Variants in ELFN2 observed in about 807,000 individuals in gnomAD.
ELFN2 encodes protein phosphatase 1 regulatory subunit 29.
In ELFN2, 17 loss-of-function variants were observed where a neutral mutation model predicts 45.5. The observed-to-expected ratio is 0.37, with a 90% CI of 0.26 to 0.56. The LOEUF is 0.56. Ranked by LOEUF, ELFN2 falls within the 20% of genes least tolerant of loss-of-function variation. The pLI is 0.77. For missense variants in ELFN2, 922 were observed against 1,183.2 expected, an observed-to-expected ratio of 0.78 and a Z score of 3.24; for synonymous variants, 550 against 551.5, an observed-to-expected ratio of 1.00 and a Z score of 0.04.
chr22:37,410,469 C>T (rs1199126863), intron 2 of ELFN2, among the ~76,000 whole-genome samples: 1 of 152,126 alleles, frequency 6.6e-6, no homozygotes, highest in African/African-American at 2.4e-5. Context: ...CCCTCCAGCA[C>T]TCCGGGGTCC....
At chr22:37,390,749 C>G (rs1427974430) in intron 2 of ELFN2, among the ~76,000 whole-genome samples, 1 of 152,192 alleles carries the variant, frequency 6.6e-6, no homozygotes, top group Non-Finnish European at 1.5e-5. Flanking sequence ...CCTCCCGCCA[C>G]CCCTCTCCCT....
chr22:37,373,776 C>T lies in ELFN2; in HGVS notation c.1759G>A (p.Ala587Thr), dbSNP rs202143334. ...ECQSLPAAAAASSATGPGALE... is the reference protein window; with the variant it reads ...ECQSLPAAAATSSATGPGALE... ...GCCCCGGGGCCAGTGGCTGAGGAGG[C>T]GGCAGCAGCTGCAGGGAGGGACTGG... Residue 587 changes from alanine to threonine, a missense_variant, in exon 3 of 3, where the codon GCC (alanine) becomes ACC (threonine). Ala to Thr is a moderately conservative substitution (Grantham distance 58, BLOSUM62 0). Around this residue, in one of 2 missense-constraint regions of ELFN2, gnomAD observed 564 missense variants for 642.8 expected, o/e 0.88. Coordinates refer to ENST00000402918, the MANE Select transcript of ELFN2 (RefSeq NM_052906.5). The T allele has an allele frequency of 4.4e-6, 7 of 1,589,486 alleles. No individual in the cohort carries two copies. Among genetic ancestry groups the T allele is most frequent in the African/African-American group, 1.4e-5 (1 of 73,566 alleles).
intron 2 of ELFN2, among the ~76,000 whole-genome samples, chr22:37,408,094 G>C (rs1932552363): frequency 6.6e-6 from 1 of 152,206 alleles, no homozygotes. Flanking sequence ...TCCAGGCCGG[G>C]TGTGTGCATG....
intron 2 of ELFN2, among the ~76,000 whole-genome samples, chr22:37,403,404 G>GGCTA (rs1569140696): frequency 5.7e-5 from 6 of 105,718 alleles, no homozygotes; most frequent in African/African-American, 2.6e-4. Context: ...GGCCATGCAA[G>GGCTA]GCGAGCGAGG....
chr22:37,424,630 G>A (rs9610752), intron 1 of ELFN2, among the ~76,000 whole-genome samples: 2,493 of 152,034 alleles, frequency 0.016, 23 homozygotes, highest in Non-Finnish European at 0.024. Flanking sequence ...GGTACCCCTC[G>A]AGAAGGGGCT....
chr22:37,359,576 T>TC (rs1931031545), intron 1 of ELFN2, among the ~76,000 whole-genome samples: 1 of 152,216 alleles, frequency 6.6e-6, no homozygotes, highest in African/African-American at 2.4e-5. Flanking sequence ...GTATGAACGC[T>TC]CCTCAGCTCT....
intron 1 of ELFN2, among the ~76,000 whole-genome samples, chr22:37,355,842 C>G (rs1930935872): frequency 6.6e-6 from 1 of 152,264 alleles, no homozygotes; most frequent in Admixed American, 6.5e-5. Context: ...GCTCCCAGAA[C>G]CATACGTCTT....
chr22:37,346,686 A>G (rs1930703733), intron 1 of ELFN2, among the ~76,000 whole-genome samples: 1 of 152,170 alleles, frequency 6.6e-6, no homozygotes, highest in South Asian at 2.1e-4. Context: ...TCTTGGTGTG[A>G]CAGCAGAAAA....
Position 37,359,604 on chromosome 22 carries a change from G to A in ELFN2, n.149-16901C>T, listed in dbSNP as rs191062442. ...TCAGCTCTCAAGGCTTCCGTGCCTC[G>A]ATACAGCTACGTGAAGCAGGAGTAG... On this transcript the variant is annotated intron_variant and non_coding_transcript_variant, in intron 1 of 2. Transcript: ENST00000452946. 1.1e-4 allele frequency among the ~76,000 whole-genome samples: 17 copies of A among 152,346 alleles called. No homozygotes were observed. The South Asian group carries it at 1.7e-3, about 15-fold the overall frequency.
At chr22:37,387,919 C>A (rs1239187113) in intron 2 of ELFN2, among the ~76,000 whole-genome samples, 1 of 151,900 alleles carries the variant, frequency 6.6e-6, no homozygotes, top group African/African-American at 2.4e-5. Context: ...TCGTCCATGT[C>A]CACCTCCACG....
intron 2 of ELFN2, among the ~76,000 whole-genome samples, chr22:37,387,925 C>T (rs564021095): frequency 6.6e-6 from 1 of 152,010 alleles, no homozygotes; most frequent in East Asian, 1.9e-4. Flanking sequence ...ATGTCCACCT[C>T]CACGGCTGGA....
At chr22:37,399,236 C>T (rs957741630) in intron 2 of ELFN2, among the ~76,000 whole-genome samples, 4 of 152,148 alleles carry the variant, frequency 2.6e-5, no homozygotes, top group Non-Finnish European at 4.4e-5. Context: ...AGTGCTACTT[C>T]TCAGGCAGGA....
At chr22:37,424,014 G>C (rs1202351548) in intron 1 of ELFN2, among the ~76,000 whole-genome samples, 1 of 152,170 alleles carries the variant, frequency 6.6e-6, no homozygotes, top group Non-Finnish European at 1.5e-5. Context: ...CACAGCTCCT[G>C]AAGAGGTCTA....
rs1183413517 is a variant in ELFN2, at chr22:37,369,221, A to T, written c.*3851T>A. 6.6e-6 allele frequency: 1 copy of T among 151,536 alleles called. No individual in the cohort carries two copies. The highest frequency in any genetic ancestry group is 1.5e-5 in the Non-Finnish European group (1 of 67,936). The allele number at this position is 151,536 out of a possible 1,614,324, so 9.4% of individuals were successfully genotyped here. The stretch of plus-strand genomic sequence containing the variant: ...CCCCGCTGTTACATTTCCAGGAGGG[A>T]GTGGGGCAGGCGACCAACTTCCAGT... On this transcript the variant is annotated 3_prime_UTR_variant, in exon 3 of 3. Coordinates refer to ENST00000402918, the MANE Select transcript of ELFN2 (RefSeq NM_052906.5).
intron 1 of ELFN2, among the ~76,000 whole-genome samples, chr22:37,348,195 G>T (rs1488947338): frequency 6.6e-6 from 1 of 152,242 alleles, no homozygotes; most frequent in Non-Finnish European, 1.5e-5. Flanking sequence ...GTGCGCTCAT[G>T]TATGAGGCAT....
chr22:37,395,429 G>A (rs976117122), intron 2 of ELFN2, among the ~76,000 whole-genome samples: 4 of 152,156 alleles, frequency 2.6e-5, no homozygotes, highest in Non-Finnish European at 5.9e-5. Flanking sequence ...TGAGACACGA[G>A]GGATCAGGCC....
At chr22:37,347,641 AAC>A (rs55967141) in intron 1 of ELFN2, among the ~76,000 whole-genome samples, 5,133 of 146,436 alleles carry the variant, frequency 0.035, 173 homozygotes, top group African/African-American at 0.093. Flanking sequence ...TGGGTGGCAG[AAC>A]ACACACACAC....
At chr22:37,398,339 C>T (rs1177051527) in intron 2 of ELFN2, among the ~76,000 whole-genome samples, 2 of 152,116 alleles carry the variant, frequency 1.3e-5, no homozygotes, top group African/African-American at 4.8e-5. Flanking sequence ...TGCAAGCCTT[C>T]GTAGGGACTG....
Position 37,373,730 on chromosome 22 carries a change from A to G in ELFN2, c.1805T>C (p.Leu602Pro). 6.4e-7 allele frequency: 1 copy of G among 1,558,560 alleles called. No individual in the cohort carries two copies. The highest frequency in any genetic ancestry group is 8.6e-7 in the Non-Finnish European group (1 of 1,159,632). The change falls in exon 3 of 3, where the codon CTT (leucine) becomes CCT (proline). Residue 602 changes from leucine to proline, a missense_variant. By Grantham distance (98) the Leu-to-Pro change is moderately conservative. Coordinates refer to ENST00000402918, the MANE Select transcript of ELFN2 (RefSeq NM_052906.5). Reference protein sequence around the residue: ...GPGALERPSFLSPPYKESSHH... With the variant: ...GPGALERPSFPSPPYKESSHH... Reference sequence around the variant, plus strand: ...GGAGCTCTCCTTGTAGGGAGGCGAAAGGAAGCTGGGCCGCTCCAGGGCCCC... The same window carrying G: ...GGAGCTCTCCTTGTAGGGAGGCGAAGGGAAGCTGGGCCGCTCCAGGGCCCC...
Sources: allele counts gnomAD v4.1 joint callset (sites outside exome capture counted in the v4.1 genomes callset), GRCh38; gene constraint gnomAD v4.1.1; regional missense constraint gnomAD v4.1.1; transcripts MANE v1.5; gene names NCBI Gene and HGNC (gene_info 2026-07-23, HGNC 2026-07-21).